Variants in RAB2A observed in about 807,000 individuals in gnomAD.
RAB2A encodes the protein RAB2A, member RAS oncogene family, also known as ras-related protein Rab-2A.
A neutral mutation model predicts 32.5 loss-of-function variants in RAB2A; 7 were observed. The observed-to-expected ratio is 0.22, with a 90% CI of 0.12 to 0.40. RAB2A has a LOEUF of 0.40. Ranked by LOEUF, RAB2A falls within the 10% of genes least tolerant of loss-of-function variation. The pLI is 1.00. For missense variants in RAB2A, 108 were observed against 260.7 expected (o/e 0.41, Z 4.03); for synonymous variants, 79 against 85.2 (o/e 0.93, Z 0.40).
intron 6 of RAB2A, among the ~76,000 whole-genome samples, chr8:60,610,169 A>G (rs1237970030): frequency 6.6e-6 from 1 of 152,076 alleles, no homozygotes; most frequent in Non-Finnish European, 1.5e-5. Flanking sequence ...CTACTGAAGT[A>G]CTAGATACCA....
At chr8:60,541,454 G>A (rs1346266357) in intron 1 of RAB2A, among the ~76,000 whole-genome samples, 3 of 152,136 alleles carry the variant, frequency 2.0e-5, no homozygotes, top group African/African-American at 7.2e-5. Context: ...CAGCACTTTG[G>A]GAGGCAGTCA....
chr8:60,545,402 T>C (rs1290375165), intron 1 of RAB2A, among the ~76,000 whole-genome samples: 2 of 152,036 alleles, frequency 1.3e-5, no homozygotes, highest in Non-Finnish European at 2.9e-5. Flanking sequence ...CAGGTGATCC[T>C]CCCTCCTCAT....
chr8:60,615,778 C>T (rs1056238384), intron 6 of RAB2A, among the ~76,000 whole-genome samples: 1 of 152,028 alleles, frequency 6.6e-6, no homozygotes, highest in Admixed American at 6.6e-5. Context: ...GTGTGCAAAG[C>T]CTAGTGTTAT....
intron 3 of RAB2A, 165 bp from the exon 4 acceptor site, chr8:60,584,043 C>T (rs1803808514): frequency 5.2e-6 from 3 of 573,804 alleles, no homozygotes; most frequent in Non-Finnish European, 9.5e-6. Context: ...CAATCTTGAG[C>T]AATAGCGGTG....
At chr8:60,518,391 T>A (rs1338519785) in intron 1 of RAB2A, among the ~76,000 whole-genome samples, 2 of 151,976 alleles carry the variant, frequency 1.3e-5, no homozygotes, top group Admixed American at 1.3e-4. Flanking sequence ...ACGCGGTGGC[T>A]CACACCTGTA....
intron 6 of RAB2A, among the ~76,000 whole-genome samples, chr8:60,618,262 T>C (rs907837850): frequency 6.6e-6 from 1 of 152,188 alleles, no homozygotes; most frequent in African/African-American, 2.4e-5. Flanking sequence ...TTAGATGTAG[T>C]TTTTCTTAGA....
chr8:60,524,458 G>A (rs1200866117), intron 1 of RAB2A, among the ~76,000 whole-genome samples: 1 of 152,056 alleles, frequency 6.6e-6, no homozygotes, highest in Admixed American at 6.6e-5. Context: ...GACCTCTCTT[G>A]TCCCTCTCCT....
Position 60,526,696 on chromosome 8 carries a change from A to C in RAB2A, c.46+9443A>C, listed in dbSNP as rs552781622. 3.9e-5 allele frequency among the ~76,000 whole-genome samples: 6 copies of C among 152,324 alleles called. No homozygotes were observed. In the East Asian group the frequency reaches 1.2e-3, roughly 29 times the overall value. ...TATAAAGAACTACCTGAGGCCAGGC[A>C]TGATGGTTCACGCCTGTAATCCTAG... is the stretch of plus-strand genomic sequence containing the variant. On this transcript the variant is annotated intron_variant, in intron 1 of 7. Coordinates refer to ENST00000262646, the MANE Select transcript of RAB2A (RefSeq NM_002865.3).
intron 7 of RAB2A, 53 bp downstream of exon 7, chr8:60,618,701 TTAC>T: frequency 2.9e-6 from 2 of 682,236 alleles, no homozygotes; most frequent in Non-Finnish European, 4.1e-6. Flanking sequence ...TCACTTTTGA[TTAC>T]TATTTTATAT....
intron 2 of RAB2A, among the ~76,000 whole-genome samples, chr8:60,567,871 A>G (rs751359126): frequency 6.6e-6 from 1 of 151,978 alleles, no homozygotes; most frequent in African/African-American, 2.4e-5. Flanking sequence ...TAATTTTATT[A>G]CTCTAATTTT....
intron 1 of RAB2A, among the ~76,000 whole-genome samples, chr8:60,547,697 G>A (rs1329152037): frequency 3.4e-5 from 4 of 117,214 alleles, no homozygotes; most frequent in South Asian, 2.9e-4. Context: ...CTGGCCGGGC[G>A]GGGGGGCTGA....
intron 1 of RAB2A, among the ~76,000 whole-genome samples, chr8:60,535,370 T>C (rs930964087): frequency 2.6e-5 from 4 of 152,232 alleles, no homozygotes; most frequent in Non-Finnish European, 4.4e-5. Context: ...TACGTATCCT[T>C]CCAGAAATTT....
At chr8:60,524,652 T>C (rs961418792) in intron 1 of RAB2A, among the ~76,000 whole-genome samples, 1 of 152,352 alleles carries the variant, frequency 6.6e-6, no homozygotes, top group East Asian at 1.9e-4. Context: ...ATTTCTGCAG[T>C]GTTTCTTAAC....
chr8:60,610,081 G>A (rs1174240356), intron 6 of RAB2A, among the ~76,000 whole-genome samples: 1 of 151,818 alleles, frequency 6.6e-6, no homozygotes, highest in African/African-American at 2.4e-5. Flanking sequence ...GTGGAGAGAT[G>A]TTCATGTCAT....
chr8:60,575,195 C>T (rs1372627997), intron 3 of RAB2A, among the ~76,000 whole-genome samples: 3 of 150,550 alleles, frequency 2.0e-5, no homozygotes, highest in South Asian at 2.1e-4. Flanking sequence ...AACGCCTGGC[C>T]TCAAGCAATC....
chr8:60,549,446 C>T (rs1483735894), intron 1 of RAB2A, among the ~76,000 whole-genome samples: 5 of 151,328 alleles, frequency 3.3e-5, no homozygotes, highest in Non-Finnish European at 5.9e-5. Context: ...GAGACCAGCC[C>T]GGCCAACACA....
chr8:60,607,468 G>C (rs1804254552), intron 6 of RAB2A, among the ~76,000 whole-genome samples: 1 of 149,336 alleles, frequency 6.7e-6, no homozygotes, highest in African/African-American at 2.5e-5. Flanking sequence ...TAGAGACAGT[G>C]TCTCTCTTAT....
intron 5 of RAB2A, among the ~76,000 whole-genome samples, chr8:60,588,254 G>T (rs2130851466): frequency 6.6e-6 from 1 of 152,214 alleles, no homozygotes; most frequent in African/African-American, 2.4e-5. Flanking sequence ...CTGTATTCCA[G>T]CCTAGGCCAC....
At chr8:60,609,344 A>G (rs1804294876) in intron 6 of RAB2A, among the ~76,000 whole-genome samples, 1 of 152,092 alleles carries the variant, frequency 6.6e-6, no homozygotes, top group South Asian at 2.1e-4. Context: ...ACCACACACA[A>G]CATCTGAATT....
Sources: gnomAD v4.1 joint callset for allele counts (sites outside exome capture counted in the v4.1 genomes callset) on GRCh38, gnomAD v4.1.1 for gene constraint, MANE v1.5 for transcripts, NCBI Gene and HGNC (gene_info 2026-07-23, HGNC 2026-07-21) for gene names.